The following LCLAT1 variants were observed in gnomAD, a reference collection of about 807,000 sequenced individuals.
LCLAT1 encodes the protein 1-AGP acyltransferase 8.
A neutral mutation model predicts 30.7 loss-of-function variants in LCLAT1; 11 were observed. That is an observed-to-expected ratio of 0.36 (90% CI 0.23 to 0.59). The LOEUF is 0.59. Among genes scored for constraint, LCLAT1 ranks in the 20% least tolerant of loss-of-function variants. The pLI is 0.77. For missense variants in LCLAT1, 402 were observed against 458.6 expected (o/e 0.88, Z 1.13); for synonymous variants, 155 against 151.3 (o/e 1.02, Z -0.18).
intron 1 of LCLAT1, among the ~76,000 whole-genome samples, chr2:30,480,532 G>A (rs1168841005): frequency 1.3e-5 from 2 of 152,144 alleles, no homozygotes; most frequent in East Asian, 3.8e-4. Flanking sequence ...AATATAAAAT[G>A]ACAGTATCAA....
At chr2:30,561,669 C>A (rs1267648476) in intron 3 of LCLAT1, among the ~76,000 whole-genome samples, 1 of 152,070 alleles carries the variant, frequency 6.6e-6, no homozygotes, top group Non-Finnish European at 1.5e-5. Flanking sequence ...TTGAAAATAG[C>A]AGTTGGATTT....
intron 3 of LCLAT1, among the ~76,000 whole-genome samples, chr2:30,552,295 A>G (rs1572613778): frequency 6.6e-6 from 1 of 152,198 alleles, no homozygotes; most frequent in Admixed American, 6.5e-5. Context: ...TTGTCAAGCA[A>G]GAATTTTTAC....
Position 30,457,997 on chromosome 2 carries a change from CTG to C in LCLAT1, c.-5+10617_-5+10618del, listed in dbSNP as rs553946728. Among the ~76,000 whole-genome samples, 396 of 151,508 alleles carry C rather than the reference CTG, an allele frequency of 2.6e-3. 1 individual carries two copies. Among genetic ancestry groups the C allele is most frequent in the Admixed American group, 7.5e-3 (114 of 15,202 alleles). ...TTTTAAAAAACTCTTTATTAGAAGA[CTG>C]TGGGCAACTAATTTTGCCTTCCTGA... On this transcript the variant is annotated intron_variant, in intron 1 of 5. Coordinates refer to ENST00000379509, the MANE Select transcript of LCLAT1 (RefSeq NM_001002257.3).
intron 5 of LCLAT1, among the ~76,000 whole-genome samples, chr2:30,604,218 A>G (rs1214279771): frequency 2.0e-5 from 3 of 152,132 alleles, no homozygotes; most frequent in Admixed American, 6.5e-5. Flanking sequence ...TGCTTCAGCA[A>G]CTTGCAAGGG....
chr2:30,455,588 A>T (rs543091120), intron 1 of LCLAT1, among the ~76,000 whole-genome samples: 2 of 151,988 alleles, frequency 1.3e-5, no homozygotes, highest in South Asian at 4.2e-4. Flanking sequence ...TTCCTTCTCC[A>T]CTTCTGTCTG....
At chr2:30,494,414 CCT>C (rs1174880832) in intron 1 of LCLAT1, among the ~76,000 whole-genome samples, 1 of 152,000 alleles carries the variant, frequency 6.6e-6, no homozygotes, top group Admixed American at 6.5e-5. Context: ...GCTGGAAATC[CCT>C]GTGTTGTCTT....
At position 30,520,258 on chromosome 2, in the gene LCLAT1, A is replaced by G. The variant is rs1185275185; in HGVS notation, c.-4-5329A>G. Among the ~76,000 whole-genome samples the G allele has an allele frequency of 2.0e-5, 3 of 152,254 alleles. 1 individual carries two copies. The highest frequency in any genetic ancestry group is 1.3e-4 in the Admixed American group (2 of 15,290). On this transcript the variant is annotated intron_variant, in intron 1 of 5. Transcript: ENST00000379509. ...GGAGTTCTAAGAACAAACACCTGCCAGTAACAGTAAGATAAGAAAGACATA... is the reference window on the plus strand; with the variant it reads ...GGAGTTCTAAGAACAAACACCTGCCGGTAACAGTAAGATAAGAAAGACATA...
At position 30,599,553 on chromosome 2, in the gene LCLAT1, G is replaced by T. The variant is rs553189275; in HGVS notation, c.628+31377G>T. Among the ~76,000 whole-genome samples the T allele has an allele frequency of 2.6e-5, 4 of 152,218 alleles. No individual in the cohort carries two copies. The East Asian group carries it at 5.8e-4, about 22-fold the overall frequency. ...AATTTTCTGTCTTGATCTGTCAGGG[G>T]TGTTAAAGTCTCCCACTATTACTGT... On this transcript the variant is annotated intron_variant, in intron 5 of 5. Coordinates refer to ENST00000379509, the MANE Select transcript of LCLAT1 (RefSeq NM_001002257.3).
intron 5 of LCLAT1, among the ~76,000 whole-genome samples, chr2:30,580,887 G>C (rs1335280512): frequency 6.6e-6 from 1 of 152,090 alleles, no homozygotes; most frequent in Non-Finnish European, 1.5e-5. Flanking sequence ...TTTACTACTT[G>C]TTCTAAGATA....
chr2:30,580,186 TAAAC>T (rs773808741), intron 5 of LCLAT1, among the ~76,000 whole-genome samples: 3 of 152,300 alleles, frequency 2.0e-5, no homozygotes, highest in East Asian at 3.9e-4. Flanking sequence ...TTTTGGGACT[TAAAC>T]AAATAAATCT....
At chr2:30,497,463 CTA>C (rs1215865109) in intron 1 of LCLAT1, among the ~76,000 whole-genome samples, 5 of 152,140 alleles carry the variant, frequency 3.3e-5, no homozygotes, top group Non-Finnish European at 4.4e-5. Flanking sequence ...GCATTAATAA[CTA>C]TTTTTGTGCC....
intron 1 of LCLAT1, among the ~76,000 whole-genome samples, chr2:30,519,495 G>C (rs559597898): frequency 6.6e-6 from 1 of 152,122 alleles, no homozygotes; most frequent in Non-Finnish European, 1.5e-5. Flanking sequence ...CTGTTGAGAG[G>C]GGGGACTGAG....
intron 1 of LCLAT1, among the ~76,000 whole-genome samples, chr2:30,491,939 C>G (rs1204889223): frequency 2.0e-5 from 3 of 151,902 alleles, no homozygotes; most frequent in Admixed American, 6.6e-5. Context: ...GCTTTAATTG[C>G]AAAAAAGATA....
intron 5 of LCLAT1, among the ~76,000 whole-genome samples, chr2:30,590,403 C>T (rs1323391817): frequency 1.3e-5 from 2 of 150,504 alleles, no homozygotes; most frequent in South Asian, 4.2e-4. Flanking sequence ...AGGGAAATCA[C>T]TTGATTTATA....
intron 1 of LCLAT1, among the ~76,000 whole-genome samples, chr2:30,487,340 A>C (rs909252459): frequency 1.3e-5 from 2 of 152,210 alleles, no homozygotes; most frequent in Non-Finnish European, 2.9e-5. Context: ...GACGTCCTTC[A>C]TTATAAAGGA....
chr2:30,598,176 C>G (rs1017924329), intron 5 of LCLAT1, among the ~76,000 whole-genome samples: 1 of 152,010 alleles, frequency 6.6e-6, no homozygotes, highest in African/African-American at 2.4e-5. Flanking sequence ...AGGGAGGGGT[C>G]CCTCCTTTTC....
chr2:30,625,895 AAAAG>A (rs2148521694), intron 5 of LCLAT1, among the ~76,000 whole-genome samples: 1 of 152,328 alleles, frequency 6.6e-6, no homozygotes, highest in Non-Finnish European at 1.5e-5. Flanking sequence ...CTGCAAGTAT[AAAAG>A]AAAGATAATT....
intron 4 of LCLAT1, among the ~76,000 whole-genome samples, chr2:30,564,597 G>C (rs1390433361): frequency 6.6e-6 from 1 of 150,774 alleles, no homozygotes; most frequent in African/African-American, 2.5e-5. Context: ...AGAAAAAACA[G>C]ACTGATCCTG....
intron 3 of LCLAT1, chr2:30,552,530 A>T (rs1484831616): frequency 2.2e-6 from 1 of 450,158 alleles, no homozygotes; most frequent in East Asian, 7.0e-5. Context: ...CAGGCATACT[A>T]CAACAGGATT....
Sources: gnomAD v4.1 joint callset for allele counts (sites outside exome capture counted in the v4.1 genomes callset) on GRCh38, gnomAD v4.1.1 for gene constraint, MANE v1.5 for transcripts, NCBI Gene and HGNC (gene_info 2026-07-23, HGNC 2026-07-21) for gene names.